The following TCF4 variants were observed in gnomAD, a reference collection of about 807,000 sequenced individuals.
TCF4 encodes SL3-3 enhancer factor 2.
Under a neutral mutation model 82.1 loss-of-function variants are expected in TCF4, and 3 were observed. That is an observed-to-expected ratio of 0.04 (90% confidence interval 0.02 to 0.09). The LOEUF (loss-of-function observed/expected upper bound fraction) is 0.09, where lower values mean the gene tolerates loss of function less well. TCF4 is among the 10% of genes least tolerant of loss of function. The pLI, the probability that TCF4 is intolerant of heterozygous loss-of-function variation, is 1.00. For synonymous variants in TCF4, 276 were observed against 309.6 expected, an observed-to-expected ratio of 0.89 and a Z score of 1.14; for missense variants, 518 against 852.7, an observed-to-expected ratio of 0.61 and a Z score of 4.89.
chr18:55,373,322 C>T (rs1322136122), intron 6 of TCF4, among the ~76,000 whole-genome samples: 1 of 151,852 alleles, frequency 6.6e-6, no homozygotes, highest in Non-Finnish European at 1.5e-5. Context: ...CTGATGAAAC[C>T]TATAGTCCAC....
At chr18:55,517,396 C>T (rs930612082) in intron 3 of TCF4, among the ~76,000 whole-genome samples, 2 of 152,078 alleles carry the variant, frequency 1.3e-5, no homozygotes, top group African/African-American at 2.4e-5. Flanking sequence ...CCTGTCCACC[C>T]GCCATCAGAC....
At position 55,418,003 on chromosome 18, in the gene TCF4, A is replaced by ATGTGTG. The variant is rs201657057; in HGVS notation, c.305-14491_305-14486dup. Among the ~76,000 whole-genome samples, 265 of 143,474 alleles carry ATGTGTG rather than the reference A, an allele frequency of 1.8e-3. 2 individuals are homozygous for ATGTGTG. The highest frequency in any genetic ancestry group is 7.0e-3 in the Middle Eastern group (2 of 284). 94.1% of individuals were successfully genotyped at this position (143,474 alleles called of 152,430 possible). On this transcript the variant is annotated intron_variant, in intron 5 of 19. Coordinates refer to ENST00000354452, the MANE Select transcript of TCF4 (RefSeq NM_001083962.2). ...TCCTGAGGATGATTTTCTTGAGCAA[A>ATGTGTG]TGTGTGTGTGTGTGTGTGTGTGTGT...
intron 5 of TCF4, among the ~76,000 whole-genome samples, chr18:55,455,808 G>A (rs1438909125): frequency 3.3e-5 from 5 of 152,184 alleles, no homozygotes; most frequent in Admixed American, 3.3e-4. Flanking sequence ...CATGAAGTCA[G>A]GTAACATCTC....
In TCF4 at chr18:55,222,613, C is replaced by T. The variant is rs900888010; in HGVS notation, c.*5422G>A. The stretch of plus-strand genomic sequence containing the variant: ...ATACAAGAGCAATATTGGAGACATC[C>T]CCAAATACCACGTACTTGATTAGAA... On this transcript the variant is annotated 3_prime_UTR_variant, in exon 20 of 20. Transcript: ENST00000354452. 2 of 152,566 alleles carry T rather than the reference C, an allele frequency of 1.3e-5. No individual in the cohort carries two copies. The highest frequency in any genetic ancestry group is 2.4e-5 in the African/African-American group (1 of 41,428). 9.5% of individuals were successfully genotyped at this position (152,566 alleles called of 1,614,324 possible).
At chr18:55,244,184 G>T (rs1005378365) in intron 15 of TCF4, among the ~76,000 whole-genome samples, 2 of 152,164 alleles carry the variant, frequency 1.3e-5, no homozygotes, top group African/African-American at 2.4e-5. Context: ...CTGGCCTTTA[G>T]TGGTTCCACA....
intron 3 of TCF4, among the ~76,000 whole-genome samples, chr18:55,505,783 C>G (rs2958160): frequency 0.76 from 105,349 of 139,100 alleles, 40,252 homozygotes; most frequent in East Asian, 1. Context: ...CAGCCTGGGC[C>G]ACAGAGCGAG....
chr18:55,460,170 C>T (rs758573350), intron 5 of TCF4, among the ~76,000 whole-genome samples: 1 of 152,040 alleles, frequency 6.6e-6, no homozygotes, highest in Non-Finnish European at 1.5e-5. Flanking sequence ...AATTTAACTT[C>T]ACTTATTGAC....
At chr18:55,299,676 T>C (rs2067557515) in intron 8 of TCF4, among the ~76,000 whole-genome samples, 1 of 152,058 alleles carries the variant, frequency 6.6e-6, no homozygotes, top group South Asian at 2.1e-4. Flanking sequence ...TTGAAAGCAT[T>C]ATAGAAAGAT....
chr18:55,336,162 A>T (rs1173464502), intron 8 of TCF4, among the ~76,000 whole-genome samples: 2 of 151,960 alleles, frequency 1.3e-5, no homozygotes, highest in Non-Finnish European at 2.9e-5. Flanking sequence ...CAATTCTAAT[A>T]AAAAAAATCA....
rs2093935151 is a variant in TCF4, at chr18:55,403,459, G to A, written c.364C>T (p.His122Tyr). The change falls in exon 6 of 20, where the codon CAC (histidine) becomes TAC (tyrosine). Residue 122 changes from histidine (H) to tyrosine (Y), a missense_variant. Coordinates refer to ENST00000354452, the MANE Select transcript of TCF4 (RefSeq NM_001083962.2). The part of the protein sequence containing the change: ...YGRESNLQGC[H>Y]QQSLLGGDMD... ...CAACAGAGATTCTCACTTACCTGGT[G>A]GCAACCCTGTAAGTTTGATTCTCTC... The A allele has an allele frequency of 6.2e-7, 1 of 1,613,630 alleles. No homozygotes were observed. Among genetic ancestry groups the A allele is most frequent in the Admixed American group, 1.7e-5 (1 of 59,984 alleles).
At chr18:55,314,467 A>G (rs9952730) in intron 8 of TCF4, among the ~76,000 whole-genome samples, 8,591 of 152,052 alleles carry the variant, frequency 0.057, 451 homozygotes, top group South Asian at 0.16. Context: ...TTTTAATCAC[A>G]TCAGTACTTA....
At chr18:55,370,548 T>C (rs184015763) in intron 6 of TCF4, among the ~76,000 whole-genome samples, 3 of 152,272 alleles carry the variant, frequency 2.0e-5, no homozygotes, top group Admixed American at 1.3e-4. Context: ...AGAGCTTAAG[T>C]GAGCACCTTA....
intron 3 of TCF4, among the ~76,000 whole-genome samples, chr18:55,486,151 C>A (rs2096511362): frequency 6.6e-6 from 1 of 152,032 alleles, no homozygotes; most frequent in Admixed American, 6.6e-5. Flanking sequence ...GTTGAAGAGA[C>A]AAAAAGTATA....
chr18:55,336,129 G>C (rs1037106072), intron 8 of TCF4, among the ~76,000 whole-genome samples: 3 of 151,930 alleles, frequency 2.0e-5, no homozygotes, highest in Admixed American at 1.3e-4. Flanking sequence ...CTATTCTCTT[G>C]TCAGTTTCTA....
At chr18:55,622,162 C>G (rs2097721784) in intron 2 of TCF4, among the ~76,000 whole-genome samples, 1 of 127,314 alleles carries the variant, frequency 7.9e-6, no homozygotes, top group Admixed American at 1.1e-4. Context: ...CACACACACA[C>G]ACACACACAC....
chr18:55,495,387 T>A (rs2096623844), intron 3 of TCF4, among the ~76,000 whole-genome samples: 1 of 152,006 alleles, frequency 6.6e-6, no homozygotes, highest in Admixed American at 6.6e-5. Flanking sequence ...AACTGTAGAA[T>A]AATTTAACTT....
At chr18:55,608,685 G>A (rs1179417949) in intron 2 of TCF4, among the ~76,000 whole-genome samples, 1 of 152,016 alleles carries the variant, frequency 6.6e-6, no homozygotes, top group African/African-American at 2.4e-5. Flanking sequence ...CTTCAAAGAA[G>A]GTATTATCCT....
intron 8 of TCF4, among the ~76,000 whole-genome samples, chr18:55,315,968 T>C (rs2074026368): frequency 6.6e-6 from 1 of 152,106 alleles, no homozygotes; most frequent in Non-Finnish European, 1.5e-5. Flanking sequence ...ATGTTTATCA[T>C]ATACAACTTT....
chr18:55,564,567 G>A (rs932717453), intron 3 of TCF4, among the ~76,000 whole-genome samples: 9 of 152,168 alleles, frequency 5.9e-5, no homozygotes, highest in Non-Finnish European at 1.0e-4. Flanking sequence ...CAAAGTGTCC[G>A]GAACTGGTTT....
Sources: gnomAD v4.1 joint callset for allele counts (sites outside exome capture counted in the v4.1 genomes callset) on GRCh38, gnomAD v4.1.1 for gene constraint, MANE v1.5 for transcripts, NCBI Gene and HGNC (gene_info 2026-07-23, HGNC 2026-07-21) for gene names.